The following TRRAP variants were observed in gnomAD, a reference collection of about 807,000 sequenced individuals.
TRRAP encodes the protein transformation/transcription domain-associated protein.
TRRAP carries 41 observed loss-of-function variants against 438.8 expected under a neutral mutation model. That is an observed-to-expected ratio of 0.09 (90% CI 0.07 to 0.12). TRRAP has a LOEUF of 0.12. TRRAP is among the 10% of genes least tolerant of loss of function. The pLI, the probability that TRRAP is intolerant of heterozygous loss-of-function variation, is 1.00. For missense variants in TRRAP, 3,122 were observed against 5,055.1 expected (o/e 0.62, Z 11.60); for synonymous variants, 1,994 against 1,962.9 (o/e 1.02, Z -0.42).
rs148646770 is a variant in TRRAP, at chr7:98,983,407, C to A, written c.8970C>A (p.Asp2990Glu). 1 of 1,614,078 alleles carries A rather than the reference C, an allele frequency of 6.2e-7. No individual in the cohort carries two copies. The highest frequency in any genetic ancestry group is 1.7e-5 in the Admixed American group (1 of 60,004). The change falls in exon 60 of 73, where the codon GAC becomes GAA. Residue 2990 changes from aspartate to glutamate, a missense_variant. Asp to Glu is a conservative substitution (Grantham distance 45). This residue lies in a region of TRRAP where 129 missense variants were observed against 279.2 expected (regional missense o/e 0.46). Coordinates refer to ENST00000456197, the MANE Select transcript of TRRAP (RefSeq NM_001375524.1). ...GGAACCGACTGCCCATCGTGTCTGA[C>A]GACTTGTCCCACTGGAGCAGCATCT... ...TWRNRLPIVS[D>E]DLSHWSSIFM...
At chr7:98,921,667 C>T (rs764497101) in intron 20 of TRRAP, 86 bp from the exon 21 acceptor site, 39 of 1,560,212 alleles carry the variant, frequency 2.5e-5, no homozygotes, top group African/African-American at 8.1e-5. Context: ...TGAGCCACTA[C>T]GCCTGGCCTC....
At chr7:98,951,146 G>A (rs1210596195) in intron 39 of TRRAP, 142 bp downstream of exon 39, 2 of 1,101,648 alleles carry the variant, frequency 1.8e-6, no homozygotes, top group African/African-American at 3.2e-5. Context: ...TATTTTTCAT[G>A]ATTGTGTTAG....
chr7:98,975,356 T>G (rs954272765), intron 53 of TRRAP, among the ~76,000 whole-genome samples: 15 of 152,202 alleles, frequency 9.9e-5, no homozygotes, highest in African/African-American at 3.6e-4. Context: ...GCAGGGACAG[T>G]GTGGCTGTCA....
rs782742706 is a variant in TRRAP at position 98,931,495 on chromosome 7, G to A, written c.3682G>A (p.Glu1228Lys). ...GCCTTTAAAAGACGAGGAGAGAGCC[G>A]AAGAGATCGTGGCCGCCCAGGAAAA... ...ATPLKDEERA[E>K]EIVAAQEKSF... Residue 1228 changes from glutamate to lysine, a missense_variant, in exon 26 of 73, where the codon GAA (glutamate) becomes AAA (lysine). Glu to Lys is a moderately conservative substitution (Grantham distance 56, BLOSUM62 1). Transcript: ENST00000456197. 3.7e-6 allele frequency: 6 copies of A among 1,613,946 alleles called. No individual in the cohort carries two copies. The highest frequency in any genetic ancestry group is 4.5e-5 in the East Asian group (2 of 44,896).
At chr7:98,942,612 T>G (rs1554415928) in intron 30 of TRRAP, among the ~76,000 whole-genome samples, 2 of 152,180 alleles carry the variant, frequency 1.3e-5, no homozygotes, top group Non-Finnish European at 2.9e-5. Flanking sequence ...GCCGTTCATG[T>G]CTCTACTGTG....
In TRRAP at chr7:98,908,959, G is replaced by A. The variant is rs782060471; in HGVS notation, c.1347G>A (p.Leu449=). 8 of 1,612,686 alleles carry A rather than the reference G, an allele frequency of 5.0e-6. No homozygotes were observed. In the East Asian group the frequency reaches 1.3e-4, roughly 27 times the overall value. Residue 449 remains leucine, a synonymous_variant, in exon 14 of 73, where the codon CTG becomes CTA. Coordinates refer to ENST00000456197, the MANE Select transcript of TRRAP (RefSeq NM_001375524.1). The surrounding 1 kb of genome is among the most constrained non-coding windows in gnomAD (Gnocchi z 4.1). ...GNGRDVLMRM[L]EVFVLKFHTI... is the part of the protein sequence containing the mutation. Reference sequence around the variant, plus strand: ...GGAGAGACGTCCTGATGCGGATGCTGGAGGTACCAGCTCTTCTGAGAGTAT... The same window carrying A: ...GGAGAGACGTCCTGATGCGGATGCTAGAGGTACCAGCTCTTCTGAGAGTAT...
chr7:98,892,361 ATAAT>A (rs1796015273), intron 4 of TRRAP, 59 bp from the exon 5 acceptor site: 2 of 1,345,102 alleles, frequency 1.5e-6, no homozygotes. Flanking sequence ...AGAGTGTGAG[ATAAT>A]TAATTTGGAA....
intron 62 of TRRAP, among the ~76,000 whole-genome samples, chr7:98,987,626 A>G (rs1245269678): frequency 6.6e-6 from 1 of 152,220 alleles, no homozygotes; most frequent in African/African-American, 2.4e-5. Flanking sequence ...TGTCAACTGC[A>G]GGTAGAGATG....
intron 53 of TRRAP, 48 bp downstream of exon 53, chr7:98,971,993 G>A (rs972582770): frequency 1.3e-6 from 2 of 1,581,962 alleles, no homozygotes; most frequent in Non-Finnish European, 1.7e-6. Flanking sequence ...CCCATGGACA[G>A]TTCAAAGCCT....
Position 99,008,579 on chromosome 7 carries a change from C to G in TRRAP, c.10938+18C>G. On this transcript the variant is annotated intron_variant, in intron 70 of 72. Coordinates refer to ENST00000456197, the MANE Select transcript of TRRAP (RefSeq NM_001375524.1). ...GCCACCAGGTAGCAGTGGGGCCGGG[C>G]CGGGGGCCGAGCTGCCGCCTGCAGC... 6.2e-7 allele frequency: 1 copy of G among 1,610,986 alleles called. No homozygotes were observed. Among genetic ancestry groups the G allele is most frequent in the South Asian group, 1.1e-5 (1 of 90,906 alleles).
At chr7:98,920,282 C>T (rs936923437) in intron 20 of TRRAP, among the ~76,000 whole-genome samples, 7 of 151,910 alleles carry the variant, frequency 4.6e-5, no homozygotes, top group African/African-American at 1.7e-4. Context: ...ACCAGCCTGG[C>T]CAACAAGGTG....
chr7:98,892,372 G>A (rs1562928186), intron 4 of TRRAP, 52 bp from the exon 5 acceptor site: 2 of 1,439,026 alleles, frequency 1.4e-6, no homozygotes, highest in Non-Finnish European at 1.9e-6. Flanking sequence ...TAATTAATTT[G>A]GAACCCTTGG....
intron 44 of TRRAP, among the ~76,000 whole-genome samples, chr7:98,958,453 C>T (rs1203501511): frequency 1.3e-5 from 2 of 152,108 alleles, no homozygotes; most frequent in African/African-American, 4.8e-5. Context: ...GCGCGTGCCA[C>T]CACACCCAGC....
At chr7:98,914,537 A>G (rs1430861929) in intron 18 of TRRAP, among the ~76,000 whole-genome samples, 2 of 151,954 alleles carry the variant, frequency 1.3e-5, no homozygotes, top group Non-Finnish European at 2.9e-5. Flanking sequence ...CCAGAATAAA[A>G]CCTATCGGGA....
At chr7:98,933,571 G>C (rs1164614066) in intron 27 of TRRAP, among the ~76,000 whole-genome samples, 169 bp downstream of exon 27, 2 of 152,186 alleles carry the variant, frequency 1.3e-5, no homozygotes, top group South Asian at 2.1e-4. Flanking sequence ...GTTGCGTCTG[G>C]GCTCGGGCGG....
chr7:98,893,903 T>G (rs1554405358), intron 6 of TRRAP, 22 bp downstream of exon 6: 1 of 1,608,818 alleles, frequency 6.2e-7, no homozygotes, highest in Middle Eastern at 1.7e-4. Flanking sequence ...AAAATCCTTA[T>G]AGCATTTATA....
Position 98,964,676 on chromosome 7 carries a change from A to G in TRRAP, c.6877A>G (p.Ile2293Val), listed in dbSNP as rs756056158. The change falls in exon 48 of 73, where the codon ATA becomes GTA. Residue 2293 changes from isoleucine to valine, a missense_variant. Around this residue, in one of 24 missense-constraint regions of TRRAP, gnomAD observed 992 missense variants for 1,281.2 expected, o/e 0.77. Transcript: ENST00000456197. ...KSACSNNPSY[I>V]DRLISVFMRS... ...TGCCTGCAGCAACAACCCCAGCTAC[A>G]TAGACAGGCTGATCTCCGTCTTTAT... 1.9e-6 allele frequency: 3 copies of G among 1,614,106 alleles called. No homozygotes were observed. Among genetic ancestry groups the G allele is most frequent in the East Asian group, 2.2e-5 (1 of 44,882 alleles).
In TRRAP at chr7:99,005,448, T is replaced by C. The variant is rs1304982693; in HGVS notation, c.10753+100T>C. 2 of 1,149,156 alleles carry C rather than the reference T, an allele frequency of 1.7e-6. No individual in the cohort carries two copies. The highest frequency in any genetic ancestry group is 4.7e-5 in the East Asian group (2 of 42,532). The allele number at this position is 1,149,156 out of a possible 1,614,324, so 71.2% of individuals were successfully genotyped here. A position where few individuals can be genotyped will look rare whatever the true frequency, so the allele number is the denominator to read the frequency against. On this transcript the variant is annotated intron_variant, in intron 69 of 72. Transcript: ENST00000456197. This position sits in a 1 kb window ranked among gnomAD's most constrained non-coding sequence, Gnocchi z 5.1. Reference sequence around the variant, plus strand: ...GTGCACAGGCAGCTCACGTTAGCCTTTGAGGGTCCAGCTGCGTCAGCAGAG... The same window carrying C: ...GTGCACAGGCAGCTCACGTTAGCCTCTGAGGGTCCAGCTGCGTCAGCAGAG...
intron 2 of TRRAP, chr7:98,881,586 A>G (rs1162360768): frequency 2.7e-5 from 7 of 263,056 alleles, no homozygotes; most frequent in Admixed American, 1.0e-4. Context: ...AAAAAAAAAA[A>G]AGAGAAATGC....
Sources: allele counts gnomAD v4.1 joint callset (sites outside exome capture counted in the v4.1 genomes callset), GRCh38; gene constraint gnomAD v4.1.1; regional missense constraint gnomAD v4.1.1; non-coding constraint Gnocchi (gnomAD v3.1); transcripts MANE v1.5; gene names NCBI Gene and HGNC (gene_info 2026-07-23, HGNC 2026-07-21).